Variants in OR13A1 observed in about 807,000 individuals in gnomAD.
OR13A1 encodes olfactory receptor family 13 subfamily A member 1, also known as olfactory receptor 13A1.
In OR13A1, 10 loss-of-function variants were observed where a neutral mutation model predicts 7.5. The observed-to-expected ratio is 1.34, with a 90% CI of 0.83 to 2.27. OR13A1 has a LOEUF of 2.27. Ranked by LOEUF, OR13A1 falls within the 30% of genes most tolerant of loss-of-function variation. The pLI, the probability that OR13A1 is intolerant of heterozygous loss-of-function variation, is 0.00. For missense variants in OR13A1, 509 were observed against 419.1 expected, an observed-to-expected ratio of 1.21 and a Z score of -1.87; for synonymous variants, 238 against 177.9, an observed-to-expected ratio of 1.34 and a Z score of -2.69.
rs1347137176 is a variant in OR13A1 at position 45,302,964 on chromosome 10, CCTA to C, written c.*469_*471del. On this transcript the variant is annotated 3_prime_UTR_variant, in exon 4 of 4. Coordinates refer to ENST00000553795, the MANE Select transcript of OR13A1 (RefSeq NM_001004297.3). ...GTAAGATAATGGGGGTAGAAGGTTT[CCTA>C]GAGGCCAGTGGTCACCTTAAAACAA... 6.5e-6 allele frequency: 1 copy of C among 154,668 alleles called. No homozygotes were observed. Among genetic ancestry groups the C allele is most frequent in the African/African-American group, 2.4e-5 (1 of 41,530 alleles). 9.6% of individuals were successfully genotyped at this position (154,668 alleles called of 1,614,324 possible). A position where few individuals can be genotyped will look rare whatever the true frequency, so the allele number is the denominator to read the frequency against.
intron 1 of OR13A1, among the ~76,000 whole-genome samples, chr10:45,310,256 C>G (rs1233324372): frequency 6.6e-6 from 1 of 152,110 alleles, no homozygotes; most frequent in Non-Finnish European, 1.5e-5. Context: ...CATTTTTTCT[C>G]TTTTGCTCAA....
intron 1 of OR13A1, among the ~76,000 whole-genome samples, chr10:45,309,951 T>C (rs1462986875): frequency 6.6e-6 from 1 of 152,232 alleles, no homozygotes; most frequent in Non-Finnish European, 1.5e-5. Context: ...GGAATAATTA[T>C]ACCTACCTTC....
chr10:45,306,464 AAAAAGTT>A (rs1838333669), intron 3 of OR13A1, among the ~76,000 whole-genome samples: 1 of 152,244 alleles, frequency 6.6e-6, no homozygotes, highest in African/African-American at 2.4e-5. Context: ...AAAAAAAAAA[AAAAAGTT>A]AACGAAGATA....
At chr10:45,306,210 T>G (rs1364735240) in intron 3 of OR13A1, among the ~76,000 whole-genome samples, 3 of 152,166 alleles carry the variant, frequency 2.0e-5, no homozygotes, top group Non-Finnish European at 4.4e-5. Flanking sequence ...ATCCCAGCAC[T>G]TTGGGAGGCC....
chr10:45,313,506 A>G (rs1385256951), intron 1 of OR13A1, among the ~76,000 whole-genome samples: 1 of 152,146 alleles, frequency 6.6e-6, no homozygotes, highest in Non-Finnish European at 1.5e-5. Flanking sequence ...TGGATTTGTA[A>G]AAAGGATCCA....
intron 3 of OR13A1, 126 bp from the exon 4 acceptor site, chr10:45,304,560 C>T: frequency 1.3e-6 from 1 of 799,404 alleles, no homozygotes; most frequent in Non-Finnish European, 2.0e-6. Flanking sequence ...CCCAATATTA[C>T]AGTAGAAAAA....
At chr10:45,309,902 G>A (rs1027867983) in intron 1 of OR13A1, among the ~76,000 whole-genome samples, 6 of 152,092 alleles carry the variant, frequency 3.9e-5, no homozygotes, top group Non-Finnish European at 8.8e-5. Context: ...GTATAAGTCC[G>A]TAGTCTCTCT....
chr10:45,310,792 G>A lies in OR13A1; in HGVS notation c.-224-2984C>T, dbSNP rs73281139. Reference sequence around the variant, plus strand: ...TATATACTTACACAAGAAAGAGGGCGGAAGTGAAAAGAAGAGGGTGAAAGA... The same window carrying A: ...TATATACTTACACAAGAAAGAGGGCAGAAGTGAAAAGAAGAGGGTGAAAGA... On this transcript the variant is annotated intron_variant, in intron 1 of 3. Coordinates refer to ENST00000553795, the MANE Select transcript of OR13A1 (RefSeq NM_001004297.3). 4.2e-3 allele frequency among the ~76,000 whole-genome samples: 646 copies of A among 152,070 alleles called. 6 individuals carry two copies. Among genetic ancestry groups the A allele is most frequent in the African/African-American group, 0.014 (601 of 41,462 alleles).
Position 45,305,194 on chromosome 10 carries a change from G to A in OR13A1, c.-12-760C>T, listed in dbSNP as rs1044155660. Among the ~76,000 whole-genome samples, 3 of 151,904 alleles carry A rather than the reference G, an allele frequency of 2.0e-5. 1 individual carries two copies. Among genetic ancestry groups the A allele is most frequent in the Non-Finnish European group, 4.4e-5 (3 of 67,992 alleles). Reference sequence around the variant, plus strand: ...GGTTTCGGTGAGCTGAGACCACGATGCTGCACTCTAGCCTGGGCGACAGAG... The same window carrying A: ...GGTTTCGGTGAGCTGAGACCACGATACTGCACTCTAGCCTGGGCGACAGAG... On this transcript the variant is annotated intron_variant, in intron 3 of 3. Transcript: ENST00000553795.
intron 3 of OR13A1, among the ~76,000 whole-genome samples, chr10:45,305,830 C>A (rs541374275): frequency 6.6e-6 from 1 of 152,242 alleles, no homozygotes; most frequent in East Asian, 1.9e-4. Flanking sequence ...GGAGAAAGTA[C>A]CACTCTTTCC....
intron 1 of OR13A1, among the ~76,000 whole-genome samples, chr10:45,313,222 C>T (rs1250597542): frequency 1.3e-5 from 2 of 151,844 alleles, no homozygotes; most frequent in African/African-American, 2.4e-5. Context: ...TTTAAAATAG[C>T]TTGTTAACAC....
At chr10:45,307,165 T>C (rs1838348772) in intron 3 of OR13A1, among the ~76,000 whole-genome samples, 1 of 152,194 alleles carries the variant, frequency 6.6e-6, no homozygotes, top group Non-Finnish European at 1.5e-5. Context: ...CAGCTGCAGC[T>C]GTACCTGGGA....
chr10:45,314,403 C>T (rs1424508988), intron 1 of OR13A1, among the ~76,000 whole-genome samples: 1 of 150,742 alleles, frequency 6.6e-6, no homozygotes, highest in African/African-American at 2.4e-5. Context: ...TTGAGACCAG[C>T]CTGGGCAACA....
intron 3 of OR13A1, among the ~76,000 whole-genome samples, chr10:45,305,748 AG>A (rs1448457681): frequency 2.0e-5 from 3 of 152,178 alleles, no homozygotes; most frequent in Non-Finnish European, 4.4e-5. Flanking sequence ...CCACTCCCTG[AG>A]CCAGGAATGC....
At chr10:45,309,782 C>T (rs1838406647) in intron 1 of OR13A1, among the ~76,000 whole-genome samples, 1 of 152,154 alleles carries the variant, frequency 6.6e-6, no homozygotes, top group Non-Finnish European at 1.5e-5. Context: ...GATGGGTTTA[C>T]TATTAAAACG....
At chr10:45,309,615 C>G (rs747340430) in intron 1 of OR13A1, among the ~76,000 whole-genome samples, 4 of 152,092 alleles carry the variant, frequency 2.6e-5, no homozygotes, top group Non-Finnish European at 5.9e-5. Context: ...CTCCAGGACT[C>G]ATTTATAATA....
chr10:45,314,326 G>A (rs1459435928), intron 1 of OR13A1, among the ~76,000 whole-genome samples: 5 of 151,978 alleles, frequency 3.3e-5, no homozygotes, highest in Non-Finnish European at 5.9e-5. Context: ...GCTAGGCATG[G>A]TGGGTCATGC....
At chr10:45,305,410 C>T (rs2163190) in intron 3 of OR13A1, among the ~76,000 whole-genome samples, 54,103 of 151,962 alleles carry the variant, frequency 0.36, 10,581 homozygotes, top group Admixed American at 0.45. Context: ...TGTATATGCA[C>T]CTGTAGGAAA....
At position 45,303,849 on chromosome 10, in the gene OR13A1, T is replaced by C. The variant is rs1311612263; in HGVS notation, c.574A>G (p.Ile192Val). ...LRLDFCGPNV[I>V]IHFFCEVPPL... ...GGGACCTCGCAGAAGAAATGGATAA[T>C]GACATTGGGGCCACAGAAATCCAAG... The change falls in exon 4 of 4, where the codon ATT becomes GTT. Residue 192 changes from isoleucine to valine, a missense_variant. By Grantham distance (29) the Ile-to-Val change is conservative. Coordinates refer to ENST00000553795, the MANE Select transcript of OR13A1 (RefSeq NM_001004297.3). 1 of 1,612,750 alleles carries C rather than the reference T, an allele frequency of 6.2e-7. No individual in the cohort carries two copies. Among genetic ancestry groups the C allele is most frequent in the Admixed American group, 1.7e-5 (1 of 60,028 alleles).
Sources: gnomAD v4.1 joint callset for allele counts (sites outside exome capture counted in the v4.1 genomes callset) on GRCh38, gnomAD v4.1.1 for gene constraint, MANE v1.5 for transcripts, NCBI Gene and HGNC (gene_info 2026-07-23, HGNC 2026-07-21) for gene names.